The following PACRG variants were observed in gnomAD, a reference collection of about 807,000 sequenced individuals.
PACRG encodes the protein parkin coregulated.
A neutral mutation model predicts 29.7 loss-of-function variants in PACRG; 29 were observed. The observed-to-expected ratio is 0.98, with a 90% CI of 0.73 to 1.33. The LOEUF is 1.33. Ranked by LOEUF, PACRG falls within the 40% of genes most tolerant of loss-of-function variation. The pLI, the probability that PACRG is intolerant of heterozygous loss-of-function variation, is 0.00. For missense variants in PACRG, 279 were observed against 316.2 expected (o/e 0.88, Z 0.89); for synonymous variants, 116 against 118.7 (o/e 0.98, Z 0.15).
intron 4 of PACRG, among the ~76,000 whole-genome samples, chr6:163,215,719 GC>G: frequency 6.6e-6 from 1 of 152,136 alleles, no homozygotes; most frequent in Non-Finnish European, 1.5e-5. Context: ...ACGAGTAATG[GC>G]CCCTGGTGGA....
chr6:162,957,791 A>G (rs1027323080), intron 2 of PACRG, among the ~76,000 whole-genome samples: 9 of 152,114 alleles, frequency 5.9e-5, no homozygotes, highest in Admixed American at 5.9e-4. Flanking sequence ...TGAATTTTAA[A>G]ACTCCATAAA....
intron 4 of PACRG, among the ~76,000 whole-genome samples, chr6:163,267,459 A>G (rs1216361319): frequency 2.0e-5 from 3 of 152,276 alleles, no homozygotes; most frequent in African/African-American, 7.2e-5. Flanking sequence ...AGTCATATCC[A>G]GTGGGACCAT....
intron 1 of PACRG, among the ~76,000 whole-genome samples, chr6:162,729,466 A>G (rs564765924): frequency 1.3e-5 from 2 of 152,322 alleles, no homozygotes; most frequent in South Asian, 4.1e-4. Flanking sequence ...CCATGTGGCT[A>G]TGCAAAACGA....
At chr6:163,043,274 G>A (rs894733981) in intron 2 of PACRG, 1 of 152,220 alleles carries the variant, frequency 6.6e-6, no homozygotes, top group Non-Finnish European at 1.5e-5. Flanking sequence ...AATACAGTGA[G>A]CCAGACACAG....
chr6:162,923,319 G>T (rs1403697146), intron 2 of PACRG, among the ~76,000 whole-genome samples: 1 of 152,092 alleles, frequency 6.6e-6, no homozygotes, highest in Admixed American at 6.6e-5. Context: ...CTCCTATTCT[G>T]CAGATTGTCT....
At chr6:162,854,563 T>G (rs1359121851) in intron 2 of PACRG, among the ~76,000 whole-genome samples, 4 of 152,144 alleles carry the variant, frequency 2.6e-5, no homozygotes, top group African/African-American at 9.7e-5. Flanking sequence ...GAGACTGACT[T>G]TATTTCTCTC....
At chr6:163,123,912 A>G (rs1235740288) in intron 4 of PACRG, among the ~76,000 whole-genome samples, 3 of 152,216 alleles carry the variant, frequency 2.0e-5, no homozygotes, top group Admixed American at 6.5e-5. Context: ...TTGCTTGCAC[A>G]TCTTGGCCAC....
At chr6:162,865,929 A>C (rs2128447231) in intron 2 of PACRG, among the ~76,000 whole-genome samples, 1 of 152,304 alleles carries the variant, frequency 6.6e-6, no homozygotes, top group South Asian at 2.1e-4. Flanking sequence ...CATATTACAA[A>C]CCTATATAGT....
intron 4 of PACRG, chr6:163,191,890 G>C (rs1309341936): frequency 2.5e-6 from 1 of 402,074 alleles, no homozygotes; most frequent in Non-Finnish European, 5.0e-6. Flanking sequence ...CCCCAAAGCA[G>C]ACTGTAAGCT....
At position 163,219,705 on chromosome 6, in the gene PACRG, C is replaced by T. The variant is rs1781500658; in HGVS notation, c.614-95122C>T. ...TCAGCCTGAATTTCCCACCTGCCTCCTCCTACAGCTCAGCCTGCCTTTCCC... is the reference window on the plus strand; with the variant it reads ...TCAGCCTGAATTTCCCACCTGCCTCTTCCTACAGCTCAGCCTGCCTTTCCC... On this transcript the variant is annotated intron_variant, in intron 4 of 4. Coordinates refer to ENST00000366888, the MANE Select transcript of PACRG (RefSeq NM_001080379.2). 2.0e-5 allele frequency among the ~76,000 whole-genome samples: 3 copies of T among 151,876 alleles called. No homozygotes were observed. The South Asian group carries it at 6.2e-4, about 32-fold the overall frequency.
chr6:163,269,935 G>GAAAGAAAAC (rs1196356680), intron 4 of PACRG, among the ~76,000 whole-genome samples: 2 of 15,104 alleles, frequency 1.3e-4, no homozygotes, highest in Admixed American at 8.9e-4. Flanking sequence ...AGAAAACAAA[G>GAAAGAAAAC]AAAGAAAGAA....
chr6:163,177,710 ATTTT>A (rs398003265), intron 4 of PACRG, among the ~76,000 whole-genome samples: 102 of 53,738 alleles, frequency 1.9e-3, no homozygotes, highest in African/African-American at 6.3e-3. Context: ...TAGAAAAGGG[ATTTT>A]TTTTTTTTTT....
At chr6:163,098,193 T>G (rs2128310831) in intron 4 of PACRG, among the ~76,000 whole-genome samples, 1 of 152,206 alleles carries the variant, frequency 6.6e-6, no homozygotes, top group African/African-American at 2.4e-5. Flanking sequence ...AGGTCAGAGT[T>G]CAGTCCTCAA....
chr6:162,916,490 C>T lies in PACRG; in HGVS notation c.291+102209C>T, dbSNP rs139875476. ...TTTCTGTTTTAATCTTTTTCTCCTTCCCTTCTGGAACCTAAAGCTCACATT... is the reference window on the plus strand; with the variant it reads ...TTTCTGTTTTAATCTTTTTCTCCTTTCCTTCTGGAACCTAAAGCTCACATT... On this transcript the variant is annotated intron_variant, in intron 2 of 4. Transcript: ENST00000366888. Among the ~76,000 whole-genome samples the T allele has an allele frequency of 6.3e-3, 958 of 152,260 alleles. 14 individuals are homozygous for T. Among genetic ancestry groups the T allele is most frequent in the African/African-American group, 0.022 (909 of 41,548 alleles).
At chr6:162,791,164 T>TAG (rs1190702134) in intron 1 of PACRG, among the ~76,000 whole-genome samples, 1 of 152,202 alleles carries the variant, frequency 6.6e-6, no homozygotes, top group African/African-American at 2.4e-5. Context: ...GTGTGACATA[T>TAG]AGAGAGAGAA....
At chr6:163,091,703 G>A (rs1227688794) in intron 4 of PACRG, among the ~76,000 whole-genome samples, 2 of 152,062 alleles carry the variant, frequency 1.3e-5, no homozygotes, top group Non-Finnish European at 2.9e-5. Flanking sequence ...CCTTAAAGTA[G>A]CTATGTTACC....
chr6:163,063,392 A>G (rs1431771742), intron 3 of PACRG, among the ~76,000 whole-genome samples: 1 of 152,030 alleles, frequency 6.6e-6, no homozygotes, highest in Non-Finnish European at 1.5e-5. Context: ...GATTGACAGG[A>G]CGCTTAGCTA....
chr6:162,844,337 T>C (rs1264575603), intron 2 of PACRG, among the ~76,000 whole-genome samples: 1 of 152,206 alleles, frequency 6.6e-6, no homozygotes, highest in Non-Finnish European at 1.5e-5. Context: ...AAGCGCAATA[T>C]TCGGGTGGGA....
chr6:163,107,937 T>C (rs941798515), intron 4 of PACRG, among the ~76,000 whole-genome samples: 2 of 152,236 alleles, frequency 1.3e-5, no homozygotes, highest in Non-Finnish European at 2.9e-5. Context: ...TTTCAAGTTA[T>C]TTTATAGCCT....
Sources: allele counts gnomAD v4.1 joint callset (sites outside exome capture counted in the v4.1 genomes callset), GRCh38; gene constraint gnomAD v4.1.1; transcripts MANE v1.5; gene names NCBI Gene and HGNC (gene_info 2026-07-23, HGNC 2026-07-21).